The following SUCLG2 variants were observed in gnomAD, a reference collection of about 807,000 sequenced individuals.
SUCLG2 encodes the protein succinate--CoA ligase [GDP-forming] subunit beta, mitochondrial.
SUCLG2 carries 42 observed loss-of-function variants against 47.9 expected under a neutral mutation model. That is an observed-to-expected ratio of 0.88 (90% CI 0.69 to 1.14). The LOEUF is 1.14. Among genes scored for constraint, SUCLG2 ranks in the 50% most tolerant of loss-of-function variants. The pLI is 0.00. For synonymous variants in SUCLG2, 195 were observed against 197.3 expected, an observed-to-expected ratio of 0.99 and a Z score of 0.10; for missense variants, 571 against 525.9, an observed-to-expected ratio of 1.09 and a Z score of -0.84.
chr3:67,456,969 A>T (rs1457820879), intron 9 of SUCLG2, among the ~76,000 whole-genome samples: 1 of 152,248 alleles, frequency 6.6e-6, no homozygotes, highest in African/African-American at 2.4e-5. Flanking sequence ...TGAAAATTTT[A>T]AATTATGAAT....
chr3:67,403,244 G>T (rs539776093), intron 9 of SUCLG2, among the ~76,000 whole-genome samples: 1 of 152,250 alleles, frequency 6.6e-6, no homozygotes, highest in East Asian at 1.9e-4. Context: ...AATAGCTGTT[G>T]TTCTCCAATG....
At chr3:67,477,753 T>C (rs1170906684) in intron 9 of SUCLG2, among the ~76,000 whole-genome samples, 6 of 152,192 alleles carry the variant, frequency 3.9e-5, no homozygotes, top group African/African-American at 1.4e-4. Context: ...CGACACTGTA[T>C]GCTCCATACA....
chr3:67,504,579 G>A (rs1481568529), intron 7 of SUCLG2, among the ~76,000 whole-genome samples: 1 of 152,138 alleles, frequency 6.6e-6, no homozygotes, highest in Non-Finnish European at 1.5e-5. Context: ...CTAGACTATG[G>A]ACAGATTGGG....
At chr3:67,529,829 C>T (rs145985744) in intron 2 of SUCLG2, among the ~76,000 whole-genome samples, 557 of 152,292 alleles carry the variant, frequency 3.7e-3, no homozygotes, top group Admixed American at 7.1e-3. Flanking sequence ...TCACACTCCA[C>T]GAATGAAAGA....
intron 1 of SUCLG2, among the ~76,000 whole-genome samples, chr3:67,611,489 C>G (rs866143346): frequency 6.6e-6 from 1 of 151,930 alleles, no homozygotes; most frequent in Non-Finnish European, 1.5e-5. Flanking sequence ...ATATAACATA[C>G]AAAGAAAAAT....
chr3:67,535,545 C>T lies in SUCLG2; in HGVS notation c.227-6359G>A, dbSNP rs550873332. On this transcript the variant is annotated intron_variant, in intron 2 of 10. Coordinates refer to ENST00000307227, the MANE Select transcript of SUCLG2 (RefSeq NM_003848.4). ...AGGTGCTTGGGTCACGGGAGACGAT[C>T]CCTTATGAATAGATTACCTGGAACT... Among the ~76,000 whole-genome samples, 128 of 152,046 alleles carry T rather than the reference C, an allele frequency of 8.4e-4. 1 individual carries two copies. The South Asian group carries it at 0.017, about 20-fold the overall frequency.
intron 9 of SUCLG2, among the ~76,000 whole-genome samples, chr3:67,464,513 T>A (rs1207964127): frequency 6.6e-6 from 1 of 152,094 alleles, no homozygotes; most frequent in Non-Finnish European, 1.5e-5. Flanking sequence ...GTCTCAAAGA[T>A]CTCCCTCAAT....
intron 10 of SUCLG2, among the ~76,000 whole-genome samples, chr3:67,380,480 G>T (rs1317436380): frequency 2.0e-5 from 3 of 152,070 alleles, no homozygotes; most frequent in Non-Finnish European, 4.4e-5. Flanking sequence ...ATAATTCTAG[G>T]ATCCACAAAA....
At chr3:67,623,417 C>T (rs1575824583) in intron 1 of SUCLG2, among the ~76,000 whole-genome samples, 1 of 152,256 alleles carries the variant, frequency 6.6e-6, no homozygotes, top group African/African-American at 2.4e-5. Context: ...AGGAGAATGG[C>T]GCGAACCCGA....
chr3:67,472,046 T>C (rs1438213254), intron 9 of SUCLG2, among the ~76,000 whole-genome samples: 2 of 152,214 alleles, frequency 1.3e-5, no homozygotes, highest in Non-Finnish European at 2.9e-5. Flanking sequence ...TGATGTTACA[T>C]TATAAATGGA....
intron 2 of SUCLG2, among the ~76,000 whole-genome samples, chr3:67,541,124 T>G (rs1706694596): frequency 1.3e-5 from 2 of 151,870 alleles, no homozygotes; most frequent in South Asian, 4.1e-4. Context: ...AGGCTGAAAA[T>G]TCCAAAAACC....
chr3:67,397,794 A>G (rs961244244), intron 10 of SUCLG2, among the ~76,000 whole-genome samples: 6 of 152,194 alleles, frequency 3.9e-5, no homozygotes, highest in Non-Finnish European at 8.8e-5. Flanking sequence ...AGTAACCAAA[A>G]CAGCATGGTA....
At chr3:67,506,871 T>C (rs6788296) in intron 7 of SUCLG2, among the ~76,000 whole-genome samples, 85,732 of 152,064 alleles carry the variant, frequency 0.56, 25,030 homozygotes, top group Admixed American at 0.64. Flanking sequence ...TGAAAGCAAA[T>C]AAGTAGTTTA....
At chr3:67,633,023 A>T (rs1303241633) in intron 1 of SUCLG2, among the ~76,000 whole-genome samples, 4 of 152,224 alleles carry the variant, frequency 2.6e-5, no homozygotes, top group Non-Finnish European at 4.4e-5. Context: ...AATCCTTCAT[A>T]TTGAGATATA....
At chr3:67,580,549 G>A (rs1486048576) in intron 2 of SUCLG2, among the ~76,000 whole-genome samples, 1 of 152,088 alleles carries the variant, frequency 6.6e-6, no homozygotes, top group East Asian at 1.9e-4. Flanking sequence ...GTGCCTCCTC[G>A]GGGCACTGGG....
At chr3:67,544,835 T>C (rs1340614835) in intron 2 of SUCLG2, among the ~76,000 whole-genome samples, 2 of 152,224 alleles carry the variant, frequency 1.3e-5, no homozygotes, top group Non-Finnish European at 2.9e-5. Flanking sequence ...GATCCTGCAC[T>C]ATAAATCATT....
At chr3:67,541,669 C>T (rs1287681192) in intron 2 of SUCLG2, among the ~76,000 whole-genome samples, 1 of 152,044 alleles carries the variant, frequency 6.6e-6, no homozygotes, top group African/African-American at 2.4e-5. Flanking sequence ...CAGAGAACAC[C>T]ACAAAGATAC....
intron 9 of SUCLG2, among the ~76,000 whole-genome samples, chr3:67,426,906 A>T (rs527885120): frequency 6.6e-6 from 1 of 152,294 alleles, no homozygotes; most frequent in African/African-American, 2.4e-5. Context: ...CAACCTGGCG[A>T]CAGAGCAAGA....
At chr3:67,444,029 C>G (rs954245985) in intron 9 of SUCLG2, among the ~76,000 whole-genome samples, 1 of 123,460 alleles carries the variant, frequency 8.1e-6, no homozygotes, top group Non-Finnish European at 1.8e-5. Context: ...CAGCCCCCCG[C>G]CTGGCCAGCC....
Sources: allele counts gnomAD v4.1 joint callset (sites outside exome capture counted in the v4.1 genomes callset), GRCh38; gene constraint gnomAD v4.1.1; transcripts MANE v1.5; gene names NCBI Gene and HGNC (gene_info 2026-07-23, HGNC 2026-07-21).